Variants in SCN2A observed in about 807,000 individuals in gnomAD.
SCN2A encodes the protein sodium channel protein type 2 subunit alpha.
SCN2A carries 20 observed loss-of-function variants against 188.7 expected under a neutral mutation model. That is an observed-to-expected ratio of 0.11 (90% CI 0.07 to 0.15). The LOEUF (loss-of-function observed/expected upper bound fraction) is 0.15. SCN2A is among the 10% of genes least tolerant of loss of function. The pLI, the probability that SCN2A is intolerant of heterozygous loss-of-function variation, is 1.00. For missense variants in SCN2A, 1,278 were observed against 2,445.0 expected, an observed-to-expected ratio of 0.52 and a Z score of 10.07; for synonymous variants, 804 against 833.1, an observed-to-expected ratio of 0.97 and a Z score of 0.60.
chr2:165,380,531 T>C (rs1293631666), intron 23 of SCN2A, 61 bp from the exon 24 acceptor site: 8 of 1,243,182 alleles, frequency 6.4e-6, no homozygotes, highest in Non-Finnish European at 9.4e-6. Flanking sequence ...AAAAACTCAC[T>C]GATGTACTTT....
chr2:165,270,858 AGAATAAATCCT>A (rs1695074472), intron 1 of SCN2A: 1 of 152,156 alleles, frequency 6.6e-6, no homozygotes, highest in South Asian at 2.1e-4. Context: ...AAAGCAATAT[AGAATAAATCCT>A]TTTTGGGAGC....
At chr2:165,356,665 C>T (rs967948666) in intron 17 of SCN2A, among the ~76,000 whole-genome samples, 2 of 152,140 alleles carry the variant, frequency 1.3e-5, no homozygotes, top group African/African-American at 4.8e-5. Context: ...AATCTTTTAG[C>T]TAAGTTTCAG....
At chr2:165,290,109 A>G (rs1021357478) in intron 1 of SCN2A, among the ~76,000 whole-genome samples, 9 of 152,240 alleles carry the variant, frequency 5.9e-5, no homozygotes, top group Admixed American at 4.6e-4. Context: ...CAGTATTTGT[A>G]CATATTCATG....
intron 1 of SCN2A, among the ~76,000 whole-genome samples, chr2:165,255,002 T>G (rs963984793): frequency 5.3e-5 from 8 of 152,134 alleles, no homozygotes; most frequent in Admixed American, 2.6e-4. Flanking sequence ...TTTTTAATTT[T>G]GGCAATCTGT....
chr2:165,304,073 C>A (rs1279304053), intron 3 of SCN2A, among the ~76,000 whole-genome samples: 1 of 152,050 alleles, frequency 6.6e-6, no homozygotes, highest in African/African-American at 2.4e-5. Context: ...TTTTTACCCT[C>A]AAAAAATGTA....
intron 14 of SCN2A, among the ~76,000 whole-genome samples, chr2:165,332,258 T>C (rs1293361468): frequency 2.6e-5 from 4 of 151,920 alleles, no homozygotes; most frequent in African/African-American, 9.7e-5. Context: ...TATAAGCAGG[T>C]TATATAGAGA....
At chr2:165,274,456 A>G (rs1695244662) in intron 1 of SCN2A, 1 of 152,064 alleles carries the variant, frequency 6.6e-6, no homozygotes, top group Non-Finnish European at 1.5e-5. Context: ...TCTGTAATGT[A>G]TTAGGAATGA....
At position 165,315,486 on chromosome 2, in the gene SCN2A, G is replaced by T. The variant is rs745774658; in HGVS notation, c.1399G>T (p.Ala467Ser). The T allele has an allele frequency of 5.6e-6, 9 of 1,613,846 alleles. No homozygotes were observed. Among genetic ancestry groups the T allele is most frequent in the Non-Finnish European group, 7.6e-6 (9 of 1,179,808 alleles). ...QEEAQAAAAAASAESRDFSGA... is the reference protein window; with the variant it reads ...QEEAQAAAAASSAESRDFSGA... ...GCCCTTCTAGGCGGCAGCTGCAGCC[G>T]CATCTGCTGAATCAAGAGACTTCAG... Residue 467 changes from alanine (A) to serine (S), a missense_variant, in exon 11 of 27, where the codon GCA becomes TCA. Around this residue, in one of 17 missense-constraint regions of SCN2A, gnomAD observed 315 missense variants for 386.6 expected, o/e 0.81. Coordinates refer to ENST00000375437, the MANE Select transcript of SCN2A (RefSeq NM_001040142.2).
chr2:165,341,117 G>A (rs1428411875), intron 14 of SCN2A, among the ~76,000 whole-genome samples: 2 of 151,986 alleles, frequency 1.3e-5, no homozygotes, highest in Middle Eastern at 3.2e-3. Flanking sequence ...TTTTTGAGAC[G>A]GAGTCTTGCT....
At chr2:165,303,270 GTTTTTTT>G (rs71028477) in intron 3 of SCN2A, among the ~76,000 whole-genome samples, 1,455 of 91,354 alleles carry the variant, frequency 0.016, 24 homozygotes, top group African/African-American at 0.049. Flanking sequence ...TGTTATTTGA[GTTTTTTT>G]TTTTTTTTTT....
intron 25 of SCN2A, among the ~76,000 whole-genome samples, chr2:165,382,560 G>T (rs1701657008): frequency 6.6e-6 from 1 of 151,784 alleles, no homozygotes; most frequent in African/African-American, 2.4e-5. Flanking sequence ...TGGGTTCAAA[G>T]AAACCACAAT....
intron 1 of SCN2A, among the ~76,000 whole-genome samples, chr2:165,275,876 A>G (rs941523875): frequency 3.3e-5 from 5 of 152,060 alleles, no homozygotes; most frequent in Non-Finnish European, 7.4e-5. Flanking sequence ...CTGGGATTAC[A>G]GGCACCCGCC....
intron 1 of SCN2A, among the ~76,000 whole-genome samples, chr2:165,250,749 A>G (rs553722389): frequency 6.6e-6 from 1 of 152,116 alleles, no homozygotes; most frequent in African/African-American, 2.4e-5. Context: ...AGGAAAGGAT[A>G]AAATGTAGGT....
intron 16 of SCN2A, among the ~76,000 whole-genome samples, chr2:165,347,788 A>C (rs949125129): frequency 7.2e-5 from 11 of 152,182 alleles, no homozygotes. Flanking sequence ...ACAAAATGTA[A>C]ACCTTGCTTT....
chr2:165,296,382 C>A (rs191176517), intron 2 of SCN2A: 1 of 383,362 alleles, frequency 2.6e-6, no homozygotes. Context: ...ATGCTTAAAC[C>A]AGTGTAAATT....
chr2:165,274,152 A>G (rs191828679), intron 1 of SCN2A: 103 of 152,262 alleles, frequency 6.8e-4, no homozygotes, highest in African/African-American at 2.3e-3. Flanking sequence ...CTTTTTGTAT[A>G]AAATACTCCT....
Position 165,392,116 on chromosome 2 carries a change from A to AATCT in SCN2A, c.*2297_*2300dup, listed in dbSNP as rs1702142495. On this transcript the variant is annotated 3_prime_UTR_variant, in exon 27 of 27. Transcript: ENST00000375437. ...AGGTAGATTTCTATCATGTAAAAAT[A>AATCT]ATCTATCTGAAAAACAAATGTAAAG... 6.6e-6 allele frequency: 1 copy of AATCT among 152,562 alleles called. No homozygotes were observed. The highest frequency in any genetic ancestry group is 2.4e-5 in the African/African-American group (1 of 41,442). 9.5% of individuals were successfully genotyped at this position (152,562 alleles called of 1,614,324 possible). A position where few individuals can be genotyped will look rare whatever the true frequency, so the allele number is the denominator to read the frequency against.
intron 10 of SCN2A, among the ~76,000 whole-genome samples, chr2:165,314,747 A>T (rs1697640125): frequency 6.6e-6 from 1 of 152,100 alleles, no homozygotes; most frequent in Non-Finnish European, 1.5e-5. Context: ...CTCTAATTAT[A>T]TTTGCTTGAC....
At chr2:165,381,674 A>G (rs1473705973) in intron 25 of SCN2A, among the ~76,000 whole-genome samples, 2 of 151,762 alleles carry the variant, frequency 1.3e-5, no homozygotes, top group Non-Finnish European at 2.9e-5. Flanking sequence ...CTGGTTAAAC[A>G]AAAAAAAGAC....
Sources: gnomAD v4.1 joint callset for allele counts (sites outside exome capture counted in the v4.1 genomes callset) on GRCh38, gnomAD v4.1.1 for gene constraint, gnomAD v4.1.1 regional missense constraint, MANE v1.5 for transcripts, NCBI Gene and HGNC (gene_info 2026-07-23, HGNC 2026-07-21) for gene names.